FAM228B: variants seen among roughly 807,000 people sequenced by gnomAD.
The protein encoded by FAM228B is protein FAM228B.
Under a neutral mutation model 42.6 loss-of-function variants are expected in FAM228B, and 38 were observed. The observed-to-expected ratio is 0.89, with a 90% CI of 0.69 to 1.17. The LOEUF (loss-of-function observed/expected upper bound fraction) is 1.17. FAM228B is among the 50% of genes most tolerant of loss of function. The pLI, the probability that FAM228B is intolerant of heterozygous loss-of-function variation, is 0.00. For synonymous variants in FAM228B, 109 were observed against 122.3 expected (o/e 0.89, Z 0.72); for missense variants, 344 against 367.3 (o/e 0.94, Z 0.52).
rs1665390686 is a variant in FAM228B at position 24,091,441 on chromosome 2, C to G, written c.-209-3700C>G. 2.0e-5 allele frequency among the ~76,000 whole-genome samples: 3 copies of G among 151,988 alleles called. No individual in the cohort carries two copies. In the South Asian group the frequency reaches 6.2e-4, roughly 32 times the overall value. On this transcript the variant is annotated intron_variant, in intron 2 of 10. Coordinates refer to the FAM228B transcript ENST00000613899. ...GTGAGATTCCGTCTCAAAACAAAAACAAAAACAAAAAACAAACAAATACAA... is the reference window on the plus strand; with the variant it reads ...GTGAGATTCCGTCTCAAAACAAAAAGAAAAACAAAAAACAAACAAATACAA...
intron 9 of FAM228B, chr2:24,165,561 G>A (rs1667384462): frequency 2.3e-6 from 1 of 443,456 alleles, no homozygotes; most frequent in Admixed American, 2.5e-5. Context: ...AGCAGCAGCT[G>A]TCAACCTCTT....
chr2:24,154,268 T>G (rs1271264793), intron 7 of FAM228B, among the ~76,000 whole-genome samples: 1 of 152,256 alleles, frequency 6.6e-6, no homozygotes, highest in African/African-American at 2.4e-5. Flanking sequence ...GGTGTAAGCT[T>G]CTATTCTGCC....
intron 7 of FAM228B, among the ~76,000 whole-genome samples, chr2:24,158,067 T>C (rs2151029235): frequency 6.6e-6 from 1 of 152,272 alleles, no homozygotes; most frequent in South Asian, 2.1e-4. Flanking sequence ...GTGATCTCTT[T>C]GGAATGACAT....
intron 3 of FAM228B, among the ~76,000 whole-genome samples, chr2:24,113,339 G>A (rs564677911): frequency 7.2e-5 from 11 of 152,168 alleles, no homozygotes; most frequent in African/African-American, 2.7e-4. Context: ...TTGGGAGGCC[G>A]AGGCAGAACG....
At chr2:24,087,714 G>A (rs888551795) in intron 2 of FAM228B, among the ~76,000 whole-genome samples, 3 of 151,502 alleles carry the variant, frequency 2.0e-5, no homozygotes, top group African/African-American at 4.9e-5. Flanking sequence ...AGGTTCAAGC[G>A]ATTCTCCTGC....
intron 3 of FAM228B, among the ~76,000 whole-genome samples, chr2:24,106,853 C>T (rs554827545): frequency 6.7e-6 from 1 of 149,208 alleles, no homozygotes; most frequent in South Asian, 2.2e-4. Context: ...ACTAGTGACA[C>T]TATAAATCAA....
In FAM228B at chr2:24,146,978, T is replaced by C. The variant is rs751940167; in HGVS notation, c.578T>C (p.Leu193Pro). 6 of 1,551,366 alleles carry C rather than the reference T, an allele frequency of 3.9e-6. No homozygotes were observed. Among genetic ancestry groups the C allele is most frequent in the African/African-American group, 1.4e-5 (1 of 73,046 alleles). The change falls in exon 7 of 11, where the codon CTG (leucine) becomes CCG (proline). Residue 193 changes from leucine to proline, a missense_variant. Coordinates refer to ENST00000615575, the MANE Select transcript of FAM228B (RefSeq NM_001145710.2). ...TTCAAAGAAGTTGAGAAGGTTCAGC[T>C]GCATTCCAGATTCCCACAAATTTCT... ...KEFKEVEKVQ[L>P]HSRFPQISNS...
At chr2:24,116,691 C>G (rs1406499576) in intron 3 of FAM228B, among the ~76,000 whole-genome samples, 5 of 151,654 alleles carry the variant, frequency 3.3e-5, no homozygotes, top group Non-Finnish European at 5.9e-5. Context: ...CCCGTCTCTA[C>G]TAAAAATACA....
At chr2:24,164,545 AG>A (rs1667356232) in intron 9 of FAM228B, among the ~76,000 whole-genome samples, 1 of 7,610 alleles carries the variant, frequency 1.3e-4, no homozygotes, top group Non-Finnish European at 1.5e-3. Context: ...TCACACGATG[AG>A]GGTGCCCCCT....
chr2:24,111,340 T>C (rs974087355), intron 3 of FAM228B, among the ~76,000 whole-genome samples: 1 of 152,230 alleles, frequency 6.6e-6, no homozygotes, highest in African/African-American at 2.4e-5. Flanking sequence ...ATTATAGGCA[T>C]GAGCCACCGC....
intron 7 of FAM228B, among the ~76,000 whole-genome samples, chr2:24,148,061 T>C (rs2151024121): frequency 6.6e-6 from 1 of 152,266 alleles, no homozygotes; most frequent in Non-Finnish European, 1.5e-5. Flanking sequence ...ATTAGCCTTA[T>C]CTAGTTGGAA....
intron 2 of FAM228B, among the ~76,000 whole-genome samples, chr2:24,090,559 TCTC>T: frequency 1.0e-5 from 1 of 98,034 alleles, no homozygotes. Flanking sequence ...GAGCCTCCCA[TCTC>T]AAAAAAAAAA....
Position 24,135,135 on chromosome 2 carries a change from A to T in FAM228B, c.116A>T (p.Asp39Val). ...TCCTTTCAGGTTTTAGCTAAAGAAG[A>T]TACTGAGGCAGCTATTCAATCAATA... ...LCFMEVLAKE[D>V]TEAAIQSILY... The change falls in exon 3 of 11, where the codon GAT (aspartate) becomes GTT (valine). Residue 39 changes from aspartate to valine, a missense_variant. By Grantham distance (152) the Asp-to-Val change is radical. Coordinates refer to ENST00000615575, the MANE Select transcript of FAM228B (RefSeq NM_001145710.2). The T allele has an allele frequency of 6.6e-7, 1 of 1,511,912 alleles. No individual in the cohort carries two copies. The highest frequency in any genetic ancestry group is 8.9e-7 in the Non-Finnish European group (1 of 1,119,140). 93.7% of individuals were successfully genotyped at this position (1,511,912 alleles called of 1,614,324 possible).
intron 1 of FAM228B, chr2:24,078,856 T>C (rs1664873200): frequency 6.6e-6 from 1 of 152,310 alleles, no homozygotes; most frequent in Admixed American, 6.5e-5. Context: ...GACTGCCAGA[T>C]GGAATATTTC....
chr2:24,088,360 T>C (rs1160265548), intron 2 of FAM228B, among the ~76,000 whole-genome samples: 1 of 152,080 alleles, frequency 6.6e-6, no homozygotes, highest in Non-Finnish European at 1.5e-5. Flanking sequence ...TATATATATA[T>C]CTTTTTTTGA....
intron 3 of FAM228B, among the ~76,000 whole-genome samples, chr2:24,109,962 T>G (rs981191978): frequency 6.6e-6 from 1 of 152,252 alleles, no homozygotes. Flanking sequence ...TAAATCATTC[T>G]ACCATAAAGA....
At chr2:24,093,543 C>G (rs906681463) in intron 2 of FAM228B, among the ~76,000 whole-genome samples, 3 of 152,036 alleles carry the variant, frequency 2.0e-5, no homozygotes, top group Non-Finnish European at 2.9e-5. Flanking sequence ...TCTTTATCCA[C>G]TCTATCATTG....
chr2:24,141,962 G>T (rs1367563451), intron 5 of FAM228B, among the ~76,000 whole-genome samples: 1 of 152,152 alleles, frequency 6.6e-6, no homozygotes. Flanking sequence ...TGGCTCAGGT[G>T]CTGGCCCCAT....
intron 9 of FAM228B, among the ~76,000 whole-genome samples, chr2:24,164,687 A>G (rs894178418): frequency 2.0e-5 from 3 of 152,180 alleles, no homozygotes; most frequent in South Asian, 2.1e-4. Flanking sequence ...TGTCTCTACC[A>G]TTTACCACTT....
Sources: gnomAD v4.1 joint callset for allele counts (sites outside exome capture counted in the v4.1 genomes callset) on GRCh38, gnomAD v4.1.1 for gene constraint, MANE v1.5 for transcripts, NCBI Gene and HGNC (gene_info 2026-07-23, HGNC 2026-07-21) for gene names.